GLRX3: variants seen among roughly 807,000 people sequenced by gnomAD.
GLRX3 encodes the protein glutaredoxin 3.
GLRX3 carries 22 observed loss-of-function variants against 49.5 expected under a neutral mutation model. The observed-to-expected ratio is 0.44, with a 90% CI of 0.32 to 0.63. The LOEUF (loss-of-function observed/expected upper bound fraction) is 0.63, where lower values mean the gene tolerates loss of function less well. Among genes scored for constraint, GLRX3 ranks in the 30% least tolerant of loss-of-function variants. GLRX3 has a pLI of 0.05. For synonymous variants in GLRX3, 133 were observed against 140.0 expected (o/e 0.95, Z 0.35); for missense variants, 385 against 396.3 (o/e 0.97, Z 0.24).
At chr10:130,168,605 C>T (rs72838220) in intron 6 of GLRX3, among the ~76,000 whole-genome samples, 32,771 of 152,086 alleles carry the variant, frequency 0.22, 3,866 homozygotes, top group South Asian at 0.3. Context: ...CCACCACGTC[C>T]GGCTAATTCT....
At chr10:130,164,740 A>T (rs1017654138) in intron 4 of GLRX3, among the ~76,000 whole-genome samples, 1 of 152,258 alleles carries the variant, frequency 6.6e-6, no homozygotes, top group Non-Finnish European at 1.5e-5. Flanking sequence ...ACTCTTAAAA[A>T]TGAAACACTA....
chr10:130,153,978 C>T (rs1408234941), intron 2 of GLRX3, among the ~76,000 whole-genome samples: 3 of 152,212 alleles, frequency 2.0e-5, no homozygotes. Flanking sequence ...ACTTTGTTTA[C>T]ACTGTGAGCA....
intron 2 of GLRX3, among the ~76,000 whole-genome samples, chr10:130,154,377 A>G (rs533303755): frequency 1.3e-5 from 2 of 152,186 alleles, no homozygotes; most frequent in African/African-American, 4.8e-5. Flanking sequence ...TGAACCCGGT[A>G]TCTCAGTTGG....
Position 130,165,945 on chromosome 10 carries a change from C to T in GLRX3, c.479-562C>T, listed in dbSNP as rs139271476. On this transcript the variant is annotated intron_variant, in intron 4 of 10. Transcript: ENST00000331244. ...GAGCGGAGGCCACCCATGGCCTCAT[C>T]ATGTGTCACCTTGGTGGGTGGAGGG... Among the ~76,000 whole-genome samples the T allele has an allele frequency of 5.1e-3, 782 of 152,312 alleles. 7 individuals are homozygous for T. The highest frequency in any genetic ancestry group is 0.017 in the African/African-American group (726 of 41,570).
chr10:130,164,528 G>A (rs1358319182), intron 4 of GLRX3, among the ~76,000 whole-genome samples: 1 of 152,142 alleles, frequency 6.6e-6, no homozygotes, highest in East Asian at 1.9e-4. Context: ...GCGGTGTTAG[G>A]CACCTATTCA....
In GLRX3 at chr10:130,157,239, G is replaced by T. The variant is rs200243561; in HGVS notation, c.202-2756G>T. On this transcript the variant is annotated intron_variant, in intron 2 of 10. Coordinates refer to ENST00000331244, the MANE Select transcript of GLRX3 (RefSeq NM_006541.5). The stretch of plus-strand genomic sequence containing the variant: ...CCAAGTCTGAAGGCCTGAGAACCTG[G>T]GGGCCGCTGGTGCAAGTCCTGCAGT... 6.6e-5 allele frequency among the ~76,000 whole-genome samples: 10 copies of T among 151,936 alleles called. No individual in the cohort carries two copies. In the East Asian group the frequency reaches 1.8e-3, roughly 27 times the overall value.
At chr10:130,154,313 A>G (rs181267270) in intron 2 of GLRX3, among the ~76,000 whole-genome samples, 1 of 152,214 alleles carries the variant, frequency 6.6e-6, no homozygotes, top group East Asian at 1.9e-4. Flanking sequence ...GCCCTGCCCT[A>G]CTTTGGCTCG....
chr10:130,155,421 C>T (rs1371606769), intron 2 of GLRX3, among the ~76,000 whole-genome samples: 1 of 152,110 alleles, frequency 6.6e-6, no homozygotes, highest in Non-Finnish European at 1.5e-5. Context: ...AAGCAGGTAC[C>T]CCAGTTAGGA....
Position 130,145,250 on chromosome 10 carries a change from A to C in GLRX3, c.132A>C (p.Pro44=). ...LVVHFWAPWA[P]QCAQMNEVMA... ...TCCATTTCTGGGCACCATGGGCTCC[A>C]CAGTGTGCACAGATGAACGAAGTTA... The change falls in exon 2 of 11, where the codon CCA becomes CCC. Residue 44 remains proline (P), a synonymous_variant. Coordinates refer to ENST00000331244, the MANE Select transcript of GLRX3 (RefSeq NM_006541.5). 3 of 1,563,854 alleles carry C rather than the reference A, an allele frequency of 1.9e-6. No individual in the cohort carries two copies. Among genetic ancestry groups the C allele is most frequent in the Non-Finnish European group, 2.6e-6 (3 of 1,136,948 alleles).
At chr10:130,162,672 C>T (rs1862597981) in intron 4 of GLRX3, among the ~76,000 whole-genome samples, 1 of 152,182 alleles carries the variant, frequency 6.6e-6, no homozygotes, top group Admixed American at 6.5e-5. Context: ...CAGCAGCAGT[C>T]TCAGTCTTTT....
chr10:130,166,448 CAT>C, intron 4 of GLRX3, 57 bp from the exon 5 acceptor site: 4 of 1,216,608 alleles, frequency 3.3e-6, no homozygotes, highest in Non-Finnish European at 4.8e-6. Context: ...AATGTATTAT[CAT>C]GTGTATGTGT....
At chr10:130,152,821 G>T (rs1173335281) in intron 2 of GLRX3, among the ~76,000 whole-genome samples, 1 of 152,104 alleles carries the variant, frequency 6.6e-6, no homozygotes, top group African/African-American at 2.4e-5. Flanking sequence ...GGTGGTCTGT[G>T]TATTTCCTGA....
chr10:130,161,034 G>T (rs1292393994), intron 4 of GLRX3, 37 bp downstream of exon 4: 1 of 1,458,086 alleles, frequency 6.9e-7, no homozygotes. Context: ...AAACAAAATG[G>T]GTGCTTTCCC....
At chr10:130,158,258 G>A (rs185328363) in intron 2 of GLRX3, among the ~76,000 whole-genome samples, 65 of 151,762 alleles carry the variant, frequency 4.3e-4, no homozygotes, top group Admixed American at 4.3e-3. Context: ...AGTCGCCCAG[G>A]CTGGAGTGCA....
At chr10:130,154,397 A>G (rs1220388279) in intron 2 of GLRX3, among the ~76,000 whole-genome samples, 1 of 152,146 alleles carries the variant, frequency 6.6e-6, no homozygotes, top group African/African-American at 2.4e-5. Flanking sequence ...GAAATGGAGA[A>G]GTCACTCATC....
chr10:130,158,765 CCTTAT>C (rs1392064063), intron 2 of GLRX3, among the ~76,000 whole-genome samples: 1 of 152,050 alleles, frequency 6.6e-6, no homozygotes, highest in African/African-American at 2.4e-5. Flanking sequence ...GTCTCGAATG[CCTTAT>C]CTTTTTGTTC....
At chr10:130,167,098 G>C in intron 6 of GLRX3, 118 bp downstream of exon 6, 1 of 544,740 alleles carries the variant, frequency 1.8e-6, no homozygotes. Context: ...TATGCCAGAC[G>C]TCATAATTGT....
At chr10:130,176,822 A>G (rs1862933478) in intron 10 of GLRX3, among the ~76,000 whole-genome samples, 1 of 116,078 alleles carries the variant, frequency 8.6e-6, no homozygotes, top group African/African-American at 3.3e-5. Context: ...TTATTTTTGT[A>G]AGACACAAAG....
intron 1 of GLRX3, among the ~76,000 whole-genome samples, chr10:130,142,512 A>G (rs1484728187): frequency 6.6e-6 from 1 of 151,752 alleles, no homozygotes; most frequent in Non-Finnish European, 1.5e-5. Context: ...TTCCCTCTCC[A>G]TTTGCACTAT....
Sources: allele counts gnomAD v4.1 joint callset (sites outside exome capture counted in the v4.1 genomes callset), GRCh38; gene constraint gnomAD v4.1.1; transcripts MANE v1.5; gene names NCBI Gene and HGNC (gene_info 2026-07-23, HGNC 2026-07-21).